The following ZYG11B variants were observed in gnomAD, a reference collection of about 807,000 sequenced individuals.
ZYG11B encodes the protein zyg-11 family member B, cell cycle regulator, also known as protein zyg-11 homolog B.
In ZYG11B, 36 loss-of-function variants were observed where a neutral mutation model predicts 82.4. The ratio of observed to expected loss-of-function variants is 0.44; its 90% CI spans 0.33 to 0.58. ZYG11B has a LOEUF of 0.58. Among genes scored for constraint, ZYG11B ranks in the 20% least tolerant of loss-of-function variants. The probability of loss-of-function intolerance (pLI) is 0.02; values close to 1 mark genes in which losing one functional copy is unlikely to be tolerated. For synonymous variants in ZYG11B, 303 were observed against 312.8 expected (o/e 0.97, Z 0.33); for missense variants, 552 against 895.6 (o/e 0.62, Z 4.90).
chr1:52,816,206 T>C (rs954188638), intron 12 of ZYG11B, among the ~76,000 whole-genome samples: 1 of 152,192 alleles, frequency 6.6e-6, no homozygotes, highest in Admixed American at 6.5e-5. Context: ...TAGTTAGTTA[T>C]CACCTAATTT....
chr1:52,767,714 T>A (rs983990997), intron 2 of ZYG11B, among the ~76,000 whole-genome samples: 1 of 152,174 alleles, frequency 6.6e-6, no homozygotes, highest in Non-Finnish European at 1.5e-5. Context: ...CTATTGATAC[T>A]TCCCTAAATG....
At chr1:52,751,583 A>G (rs1644524719) in intron 1 of ZYG11B, among the ~76,000 whole-genome samples, 1 of 152,110 alleles carries the variant, frequency 6.6e-6, no homozygotes, top group African/African-American at 2.4e-5. Flanking sequence ...CAGTGAGCCA[A>G]GATTACACCA....
At chr1:52,790,563 T>C (rs1175114174) in intron 6 of ZYG11B, among the ~76,000 whole-genome samples, 3 of 151,860 alleles carry the variant, frequency 2.0e-5, no homozygotes, top group African/African-American at 7.3e-5. Context: ...CTACTAAAGA[T>C]ACAAAAAATT....
chr1:52,802,237 G>A, intron 10 of ZYG11B, 98 bp downstream of exon 10: 1 of 1,144,466 alleles, frequency 8.7e-7, no homozygotes, highest in Non-Finnish European at 1.3e-6. Flanking sequence ...CAGTATCATA[G>A]CCCCTTATCT....
chr1:52,772,541 C>G (rs1404267420), intron 3 of ZYG11B: 1 of 1,610,502 alleles, frequency 6.2e-7, no homozygotes, highest in African/African-American at 1.3e-5. Context: ...GTTTGTAAAT[C>G]TGCTCCTTCA....
chr1:52,775,990 C>T (rs181541230), intron 3 of ZYG11B, among the ~76,000 whole-genome samples: 65 of 150,842 alleles, frequency 4.3e-4, no homozygotes, highest in South Asian at 1.5e-3. Context: ...CTGAGGCAGG[C>T]GGATCACCTG....
Position 52,726,699 on chromosome 1 carries a change from C to T in ZYG11B, c.30+16C>T, listed in dbSNP as rs1213237611. ...CGCAGCCATGGTGAGGGAGCAAGGCCTGCCCTAGCCGCAGCCGCCCGCCAC... is the reference window on the plus strand; with the variant it reads ...CGCAGCCATGGTGAGGGAGCAAGGCTTGCCCTAGCCGCAGCCGCCCGCCAC... On this transcript the variant is annotated intron_variant, in intron 1 of 13. Transcript: ENST00000294353. The T allele has an allele frequency of 6.8e-7, 1 of 1,472,292 alleles. No homozygotes were observed. The highest frequency in any genetic ancestry group is 2.4e-5 in the Admixed American group (1 of 42,550). The allele number at this position is 1,472,292 out of a possible 1,614,324, so 91.2% of individuals were successfully genotyped here.
intron 1 of ZYG11B, among the ~76,000 whole-genome samples, chr1:52,755,739 A>G (rs1644570207): frequency 6.6e-6 from 1 of 151,922 alleles, no homozygotes. Context: ...TCCCGACCTC[A>G]GGTGATCCAC....
chr1:52,781,068 C>A (rs760815217), intron 4 of ZYG11B, among the ~76,000 whole-genome samples: 1 of 151,894 alleles, frequency 6.6e-6, no homozygotes, highest in African/African-American at 2.4e-5. Flanking sequence ...CCTGGGAGGC[C>A]GAGTTTACAG....
chr1:52,793,887 C>CCTTCCTTCCTTCCTTCCTTA (rs1553261678), intron 6 of ZYG11B, among the ~76,000 whole-genome samples: 3,259 of 144,914 alleles, frequency 0.022, 67 homozygotes, highest in Non-Finnish European at 0.033. Flanking sequence ...TTCCTTCCTT[C>CCTTCCTTCCTTCCTTCCTTA]CTTCCTTCCT....
At chr1:52,752,337 G>A (rs1644533147) in intron 1 of ZYG11B, among the ~76,000 whole-genome samples, 1 of 152,220 alleles carries the variant, frequency 6.6e-6, no homozygotes, top group Admixed American at 6.5e-5. Context: ...GAAGGAGCTT[G>A]AAGCTTCCAT....
chr1:52,759,899 C>T (rs1463004735), intron 2 of ZYG11B, among the ~76,000 whole-genome samples: 2 of 152,114 alleles, frequency 1.3e-5, no homozygotes, highest in Non-Finnish European at 2.9e-5. Flanking sequence ...GGCGCGATCT[C>T]GGCTCACTAC....
At chr1:52,757,838 G>A (rs1450931811) in intron 2 of ZYG11B, among the ~76,000 whole-genome samples, 1 of 152,054 alleles carries the variant, frequency 6.6e-6, no homozygotes, top group Non-Finnish European at 1.5e-5. Context: ...AAAATCAACT[G>A]GGAAGCTCTT....
chr1:52,812,349 A>G (rs1278851321), intron 10 of ZYG11B, among the ~76,000 whole-genome samples: 1 of 152,088 alleles, frequency 6.6e-6, no homozygotes, highest in Non-Finnish European at 1.5e-5. Context: ...TTACTTGCAG[A>G]TCAAGTTGCT....
intron 2 of ZYG11B, among the ~76,000 whole-genome samples, chr1:52,758,823 A>T (rs189888962): frequency 0.017 from 2,556 of 152,224 alleles, 38 homozygotes; most frequent in Non-Finnish European, 0.022. Flanking sequence ...TTTCTGTATT[A>T]TATATGTTAA....
chr1:52,737,905 G>A (rs560935645), intron 1 of ZYG11B, among the ~76,000 whole-genome samples: 6 of 152,360 alleles, frequency 3.9e-5, no homozygotes, highest in African/African-American at 1.4e-4. Context: ...GGGGAAAAGA[G>A]GTTGGGTAGG....
chr1:52,796,809 A>T, intron 8 of ZYG11B, 25 bp downstream of exon 8: 1 of 1,416,202 alleles, frequency 7.1e-7, no homozygotes, highest in Non-Finnish European at 9.3e-7. Flanking sequence ...TCCTCCATTC[A>T]GGCCACTAGA....
At chr1:52,727,498 A>T (rs932193596) in intron 1 of ZYG11B, among the ~76,000 whole-genome samples, 5 of 152,138 alleles carry the variant, frequency 3.3e-5, no homozygotes, top group Admixed American at 6.6e-5. Flanking sequence ...AAATGTTTTG[A>T]ATTTTTTTTA....
chr1:52,783,805 T>TATACACACAC (rs74185908), intron 4 of ZYG11B, among the ~76,000 whole-genome samples: 5,747 of 134,902 alleles, frequency 0.043, 492 homozygotes, highest in African/African-American at 0.15. Flanking sequence ...TATATATATA[T>TATACACACAC]ACACACACAC....
Sources: gnomAD v4.1 joint callset for allele counts (sites outside exome capture counted in the v4.1 genomes callset) on GRCh38, gnomAD v4.1.1 for gene constraint, MANE v1.5 for transcripts, NCBI Gene and HGNC (gene_info 2026-07-23, HGNC 2026-07-21) for gene names.